Variants in GPC6 observed in about 807,000 individuals in gnomAD.
GPC6 encodes glypican 6.
GPC6 carries 14 observed loss-of-function variants against 55.2 expected under a neutral mutation model. The observed-to-expected ratio is 0.25, with a 90% CI of 0.17 to 0.40. The LOEUF (loss-of-function observed/expected upper bound fraction) is 0.40, where lower values mean the gene tolerates loss of function less well. Ranked by LOEUF, GPC6 falls within the 10% of genes least tolerant of loss-of-function variation. The pLI, the probability that GPC6 is intolerant of heterozygous loss-of-function variation, is 1.00. For synonymous variants in GPC6, 278 were observed against 259.6 expected, an observed-to-expected ratio of 1.07 and a Z score of -0.68; for missense variants, 641 against 708.5, an observed-to-expected ratio of 0.90 and a Z score of 1.08.
intron 3 of GPC6, among the ~76,000 whole-genome samples, chr13:93,998,881 G>A (rs9561486): frequency 0.14 from 21,724 of 151,822 alleles, 1,781 homozygotes; most frequent in Middle Eastern, 0.26. Flanking sequence ...TGATTTTCAA[G>A]AATATTATTA....
At chr13:94,178,370 A>G (rs1888864860) in intron 4 of GPC6, among the ~76,000 whole-genome samples, 1 of 152,214 alleles carries the variant, frequency 6.6e-6, no homozygotes, top group Non-Finnish European at 1.5e-5. Context: ...AATATAAAGT[A>G]TGGCAAATCC....
intron 2 of GPC6, among the ~76,000 whole-genome samples, chr13:93,567,867 G>A (rs944915689): frequency 1.3e-5 from 2 of 152,114 alleles, no homozygotes; most frequent in Non-Finnish European, 2.9e-5. Flanking sequence ...TAGTGGTTCA[G>A]CTGGTTTGGT....
At chr13:93,249,775 A>G (rs1876720856) in intron 1 of GPC6, among the ~76,000 whole-genome samples, 1 of 152,204 alleles carries the variant, frequency 6.6e-6, no homozygotes. Flanking sequence ...AGCTTTTGGA[A>G]GGACCTTTGG....
At chr13:94,002,538 A>G (rs1269379782) in intron 3 of GPC6, among the ~76,000 whole-genome samples, 1 of 152,152 alleles carries the variant, frequency 6.6e-6, no homozygotes, top group Non-Finnish European at 1.5e-5. Flanking sequence ...ACATTTCCTT[A>G]TTACACATGA....
intron 4 of GPC6, among the ~76,000 whole-genome samples, chr13:94,231,325 T>C (rs1269832952): frequency 6.6e-6 from 1 of 151,992 alleles, no homozygotes; most frequent in Non-Finnish European, 1.5e-5. Context: ...AGAGAGGAAA[T>C]ATTACTAAGC....
chr13:94,178,327 T>A (rs866573848), intron 4 of GPC6, among the ~76,000 whole-genome samples: 1 of 152,134 alleles, frequency 6.6e-6, no homozygotes, highest in Non-Finnish European at 1.5e-5. Context: ...TGTCCTCCTA[T>A]CTCTCATTAT....
intron 2 of GPC6, among the ~76,000 whole-genome samples, chr13:93,710,473 G>C (rs999010000): frequency 4.6e-5 from 7 of 151,716 alleles, no homozygotes; most frequent in African/African-American, 7.3e-5. Flanking sequence ...TATGATCCTT[G>C]TGATGTACAC....
chr13:94,303,899 T>C (rs1265686208), intron 5 of GPC6, among the ~76,000 whole-genome samples: 1 of 152,188 alleles, frequency 6.6e-6, no homozygotes, highest in Non-Finnish European at 1.5e-5. Context: ...GCCACATTTT[T>C]CCCAAAGGGT....
intron 1 of GPC6, among the ~76,000 whole-genome samples, chr13:93,363,917 G>A (rs993733739): frequency 3.3e-5 from 5 of 151,976 alleles, no homozygotes; most frequent in African/African-American, 1.2e-4. Context: ...GTGTTTTTTG[G>A]CTGCATAAAT....
chr13:93,548,038 G>A (rs2139437550), intron 2 of GPC6, among the ~76,000 whole-genome samples: 1 of 152,242 alleles, frequency 6.6e-6, no homozygotes, highest in Middle Eastern at 3.4e-3. Context: ...AGTTTGATGT[G>A]AGCACAAAAG....
At chr13:93,446,360 A>G (rs569169394) in intron 1 of GPC6, among the ~76,000 whole-genome samples, 3 of 152,218 alleles carry the variant, frequency 2.0e-5, no homozygotes, top group South Asian at 4.2e-4. Context: ...TTGCTGCACC[A>G]CTGAGATCAT....
chr13:93,620,213 A>G (rs1360901411), intron 2 of GPC6, among the ~76,000 whole-genome samples: 1 of 152,184 alleles, frequency 6.6e-6, no homozygotes, highest in Non-Finnish European at 1.5e-5. Context: ...CATGAGGTAC[A>G]CTTTATTCAA....
intron 3 of GPC6, among the ~76,000 whole-genome samples, chr13:93,843,253 C>T (rs1280039321): frequency 6.6e-6 from 1 of 152,064 alleles, no homozygotes; most frequent in East Asian, 1.9e-4. Flanking sequence ...TGTGGGTGTA[C>T]ATGTGTGTGC....
chr13:93,549,930 G>T (rs2139440198), intron 2 of GPC6, among the ~76,000 whole-genome samples: 1 of 152,238 alleles, frequency 6.6e-6, no homozygotes, highest in South Asian at 2.1e-4. Context: ...TATATAGGAA[G>T]TCAATACTTG....
chr13:94,379,365 C>G (rs1442116862), intron 6 of GPC6, among the ~76,000 whole-genome samples: 2 of 152,146 alleles, frequency 1.3e-5, no homozygotes, highest in Non-Finnish European at 2.9e-5. Flanking sequence ...TCTCACTGCT[C>G]CTTTGATGTT....
intron 3 of GPC6, among the ~76,000 whole-genome samples, chr13:93,912,581 A>C (rs979081076): frequency 4.6e-5 from 7 of 152,020 alleles, no homozygotes; most frequent in African/African-American, 1.7e-4. Context: ...ATCTCTACTA[A>C]AAATACAAAA....
chr13:93,778,934 AG>A (rs1435079635), intron 2 of GPC6, among the ~76,000 whole-genome samples: 3 of 152,228 alleles, frequency 2.0e-5, no homozygotes, highest in Admixed American at 2.0e-4. Context: ...CAATCCAAGT[AG>A]AACAAATCAT....
intron 4 of GPC6, among the ~76,000 whole-genome samples, chr13:94,033,550 G>A (rs1293349475): frequency 2.0e-5 from 3 of 152,202 alleles, no homozygotes; most frequent in Admixed American, 6.5e-5. Flanking sequence ...GTACAGGACT[G>A]TGTTATGTTG....
chr13:93,721,701 A>G (rs16949138), intron 2 of GPC6, among the ~76,000 whole-genome samples: 22,056 of 151,692 alleles, frequency 0.15, 2,797 homozygotes, highest in South Asian at 0.32. Flanking sequence ...ATTTACTGCT[A>G]TTTTGGCTAT....
Sources: allele counts gnomAD v4.1 joint callset (sites outside exome capture counted in the v4.1 genomes callset), GRCh38; gene constraint gnomAD v4.1.1; transcripts MANE v1.5; gene names NCBI Gene and HGNC (gene_info 2026-07-23, HGNC 2026-07-21).